GOLGA4: variants seen among roughly 807,000 people sequenced by gnomAD.
GOLGA4 encodes the protein golgin subfamily A member 4.
Under a neutral mutation model 265.9 loss-of-function variants are expected in GOLGA4, and 169 were observed. That is an observed-to-expected ratio of 0.64 (90% confidence interval 0.56 to 0.72). The LOEUF (loss-of-function observed/expected upper bound fraction) is 0.72. Among genes scored for constraint, GOLGA4 ranks in the 30% least tolerant of loss-of-function variants. The pLI is 0.00. For missense variants in GOLGA4, 2,482 were observed against 2,483.4 expected, an observed-to-expected ratio of 1.00 and a Z score of 0.01; for synonymous variants, 923 against 855.8, an observed-to-expected ratio of 1.08 and a Z score of -1.37.
chr3:37,325,148 G>A lies in GOLGA4; in HGVS notation c.3262G>A (p.Glu1088Lys). 6.2e-7 allele frequency: 1 copy of A among 1,613,684 alleles called. No individual in the cohort carries two copies. Among genetic ancestry groups the A allele is most frequent in the Non-Finnish European group, 8.5e-7 (1 of 1,179,802 alleles). Residue 1088 changes from glutamate (E) to lysine (K), a missense_variant, in exon 14 of 24, where the codon GAA (glutamate) becomes AAA (lysine). By Grantham distance (56) the Glu-to-Lys change is moderately conservative. Around this residue, in one of 3 missense-constraint regions of GOLGA4, gnomAD observed 1,536 missense variants for 1,483.7 expected, o/e 1.04. Transcript: ENST00000361924. ...QKILLFGCEK[E>K]EMNKEITWLK... Reference sequence around the variant, plus strand: ...GATCCTCCTATTTGGGTGTGAAAAAGAAGAGATGAACAAGGAAATAACATG... The same window carrying A: ...GATCCTCCTATTTGGGTGTGAAAAAAAAGAGATGAACAAGGAAATAACATG...
At position 37,277,815 on chromosome 3, in the gene GOLGA4, A is replaced by C. The variant is rs930404532; in HGVS notation, c.163-4143A>C. 1.4e-4 allele frequency among the ~76,000 whole-genome samples: 21 copies of C among 151,932 alleles called. 1 individual carries two copies. Among genetic ancestry groups the C allele is most frequent in the African/African-American group, 5.1e-4 (21 of 41,338 alleles). On this transcript the variant is annotated intron_variant, in intron 2 of 23. Transcript: ENST00000361924. Reference sequence around the variant, plus strand: ...CATACTTTAAAGGCCACTGTTGCAAAGTCTACATTTTATGCTGAATCTGCA... The same window carrying C: ...CATACTTTAAAGGCCACTGTTGCAACGTCTACATTTTATGCTGAATCTGCA...
chr3:37,297,013 C>T (rs2096880280), intron 7 of GOLGA4, among the ~76,000 whole-genome samples: 1 of 152,152 alleles, frequency 6.6e-6, no homozygotes, highest in Non-Finnish European at 1.5e-5. Context: ...TGCTTACATG[C>T]TAATAAGTGG....
At chr3:37,301,256 C>T (rs2096891844) in intron 9 of GOLGA4, among the ~76,000 whole-genome samples, 1 of 152,154 alleles carries the variant, frequency 6.6e-6, no homozygotes, top group African/African-American at 2.4e-5. Flanking sequence ...TTTTCCCCTG[C>T]CGACCTCCAT....
Position 37,327,618 on chromosome 3 carries a change from AT to A in GOLGA4, c.5735del (p.Leu1912TrpfsTer21). 1.2e-6 allele frequency: 2 copies of A among 1,613,856 alleles called. No individual in the cohort carries two copies. The highest frequency in any genetic ancestry group is 1.7e-6 in the Non-Finnish European group (2 of 1,179,796). On this transcript the variant is annotated frameshift_variant, in exon 14 of 24. Transcript: ENST00000361924. LOFTEE classifies it high-confidence loss of function. ...EENTEEKSKSHLVQPKLLSNM... is the reference protein window; with the variant it reads ...EENTEEKSKSXLVQPKLLSNM... ...AACACTGAAGAAAAGTCCAAATCACATTTGGTCCAACCCAAATTGCTTAGTA... is the reference window on the plus strand; with the variant it reads ...AACACTGAAGAAAAGTCCAAATCACATTGGTCCAACCCAAATTGCTTAGTA...
chr3:37,286,514 C>G (rs190509285), intron 4 of GOLGA4, among the ~76,000 whole-genome samples: 3 of 152,240 alleles, frequency 2.0e-5, no homozygotes, highest in African/African-American at 7.2e-5. Context: ...AAATATTAAG[C>G]TTGTTTTACC....
intron 1 of GOLGA4, among the ~76,000 whole-genome samples, chr3:37,249,191 A>T (rs978389112): frequency 2.6e-5 from 4 of 152,174 alleles, no homozygotes. Context: ...ATTTATCTCA[A>T]CTTTAATGAA....
At chr3:37,310,607 T>C (rs1453557539) in intron 10 of GOLGA4, among the ~76,000 whole-genome samples, 2 of 152,184 alleles carry the variant, frequency 1.3e-5, no homozygotes, top group Non-Finnish European at 2.9e-5. Context: ...GTGAACCTCA[T>C]CTGAACTGGA....
At position 37,276,244 on chromosome 3, in the gene GOLGA4, C is replaced by T. The variant is rs1578455969; in HGVS notation, c.163-5714C>T. The T allele has an allele frequency of 9.6e-6, 15 of 1,555,112 alleles. No homozygotes were observed. In the East Asian group the frequency reaches 3.2e-4, roughly 33 times the overall value. On this transcript the variant is annotated intron_variant, in intron 2 of 23. Coordinates refer to ENST00000361924, the MANE Select transcript of GOLGA4 (RefSeq NM_002078.5). ...TATATCAAGAAATAAGGAATACAGA[C>T]ATGAAATACAAAAATAGAGTACGAA...
intron 20 of GOLGA4, among the ~76,000 whole-genome samples, chr3:37,344,256 C>T (rs936491538): frequency 6.6e-6 from 1 of 152,188 alleles, no homozygotes; most frequent in Non-Finnish European, 1.5e-5. Flanking sequence ...CGCACACCAT[C>T]ACACCTGGCT....
intron 4 of GOLGA4, chr3:37,287,516 C>A (rs2096852877): frequency 6.6e-6 from 1 of 152,226 alleles, no homozygotes; most frequent in Non-Finnish European, 1.5e-5. Context: ...TGAGCTCCTA[C>A]TGTGTGCCAG....
intron 12 of GOLGA4, among the ~76,000 whole-genome samples, chr3:37,320,631 A>G (rs75910904): frequency 0.014 from 2,126 of 152,364 alleles, 44 homozygotes; most frequent in African/African-American, 0.046. Context: ...CTGTAACAGT[A>G]CAACATAAAT....
intron 23 of GOLGA4, among the ~76,000 whole-genome samples, chr3:37,365,259 T>G (rs572664817): frequency 3.4e-4 from 51 of 152,116 alleles, no homozygotes; most frequent in African/African-American, 1.2e-3. Context: ...AAGAGCTCTT[T>G]CTCATCTTTA....
intron 1 of GOLGA4, among the ~76,000 whole-genome samples, chr3:37,248,802 C>T (rs1375806000): frequency 6.6e-6 from 1 of 152,078 alleles, no homozygotes; most frequent in African/African-American, 2.4e-5. Flanking sequence ...AGGTGTAAGA[C>T]GTAATGCCAA....
intron 18 of GOLGA4, 33 bp from the exon 19 acceptor site, chr3:37,337,633 G>A: frequency 1.4e-6 from 2 of 1,431,524 alleles, no homozygotes; most frequent in Non-Finnish European, 2.0e-6. Context: ...TGAAACCTAT[G>A]TGCATTTCAG....
intron 20 of GOLGA4, among the ~76,000 whole-genome samples, chr3:37,341,954 G>A (rs2097036490): frequency 6.6e-6 from 1 of 152,036 alleles, no homozygotes; most frequent in African/African-American, 2.4e-5. Flanking sequence ...ATTTCTCAAG[G>A]ATAATATAGC....
intron 20 of GOLGA4, 44 bp from the exon 21 acceptor site, chr3:37,347,149 C>G (rs1203745072): frequency 8.9e-7 from 1 of 1,127,192 alleles, no homozygotes; most frequent in Non-Finnish European, 1.3e-6. Flanking sequence ...AAGTAGTTTA[C>G]CTGGTTTTGT....
rs548998973 is a variant in GOLGA4, at chr3:37,319,954, A to G, written c.1545+760A>G. ...GCATAATTCAAGAAGAATGTCGAAA[A>G]TCTCATCAGACTGAGTGTACCCAGA... On this transcript the variant is annotated intron_variant, in intron 12 of 23. Transcript: ENST00000361924. The G allele has an allele frequency of 6.6e-5, 10 of 152,272 alleles. No homozygotes were observed. In the East Asian group the frequency reaches 1.7e-3, roughly 26 times the overall value. The allele number at this position is 152,272 out of a possible 1,614,324, so 9.4% of individuals were successfully genotyped here.
chr3:37,290,552 T>C (rs2096862133), intron 5 of GOLGA4, among the ~76,000 whole-genome samples: 1 of 152,226 alleles, frequency 6.6e-6, no homozygotes, highest in Non-Finnish European at 1.5e-5. Context: ...TTTGTTATAC[T>C]GACAAGACCA....
chr3:37,280,355 G>A (rs1018123556), intron 2 of GOLGA4, among the ~76,000 whole-genome samples: 5 of 152,202 alleles, frequency 3.3e-5, no homozygotes, highest in East Asian at 1.9e-4. Flanking sequence ...GCTTTCTGAC[G>A]GTTCAGTGTA....
Sources: gnomAD v4.1 joint callset for allele counts (sites outside exome capture counted in the v4.1 genomes callset) on GRCh38, gnomAD v4.1.1 for gene constraint, gnomAD v4.1.1 regional missense constraint, MANE v1.5 for transcripts, NCBI Gene and HGNC (gene_info 2026-07-23, HGNC 2026-07-21) for gene names.